Variants in MTA3 observed in about 807,000 individuals in gnomAD.
MTA3 encodes the protein metastasis associated 1 family member 3.
Under a neutral mutation model 83.5 loss-of-function variants are expected in MTA3, and 34 were observed. The observed-to-expected ratio is 0.41, with a 90% CI of 0.31 to 0.54. MTA3 has a LOEUF of 0.54. MTA3 is among the 20% of genes least tolerant of loss of function. The pLI is 0.33. For synonymous variants in MTA3, 303 were observed against 252.7 expected (o/e 1.20, Z -1.89); for missense variants, 761 against 726.4 (o/e 1.05, Z -0.55).
At chr2:42,600,854 C>G (rs1558481434) in intron 3 of MTA3, among the ~76,000 whole-genome samples, 1 of 151,806 alleles carries the variant, frequency 6.6e-6, no homozygotes, top group Non-Finnish European at 1.5e-5. Context: ...TGGTTCATTT[C>G]TTTTACATCT....
intron 14 of MTA3, chr2:42,709,400 C>T: frequency 1.2e-6 from 1 of 868,486 alleles, no homozygotes; most frequent in South Asian, 2.1e-5. Context: ...CTGCAGAGCC[C>T]TTATTGAAGC....
At chr2:42,545,397 G>GA (rs1572957442) in intron 2 of MTA3, among the ~76,000 whole-genome samples, 1 of 150,150 alleles carries the variant, frequency 6.7e-6, no homozygotes, top group African/African-American at 2.4e-5. Context: ...ATTAGAAGAA[G>GA]AAAAAAAAAG....
chr2:42,586,008 G>A (rs1251242888), intron 3 of MTA3, among the ~76,000 whole-genome samples: 2 of 152,052 alleles, frequency 1.3e-5, no homozygotes, highest in Non-Finnish European at 2.9e-5. Context: ...TTAGGGCCAG[G>A]CGCAGTGGCT....
At chr2:42,737,535 G>T (rs1668700173) in intron 16 of MTA3, among the ~76,000 whole-genome samples, 1 of 152,018 alleles carries the variant, frequency 6.6e-6, no homozygotes, top group South Asian at 2.1e-4. Context: ...CTGATTTTTG[G>T]TTCTTATGAA....
intron 16 of MTA3, among the ~76,000 whole-genome samples, chr2:42,737,828 A>G (rs2104575643): frequency 6.6e-6 from 1 of 152,228 alleles, no homozygotes; most frequent in East Asian, 1.9e-4. Context: ...CCGAATGAAT[A>G]CAGGCCCAGA....
At chr2:42,688,708 A>G (rs1194669286) in intron 9 of MTA3, among the ~76,000 whole-genome samples, 1 of 146,332 alleles carries the variant, frequency 6.8e-6, no homozygotes, top group African/African-American at 2.5e-5. Flanking sequence ...TGCAGTAGTT[A>G]TAGTCGGTTT....
chr2:42,670,430 C>T (rs1317172393), intron 8 of MTA3, among the ~76,000 whole-genome samples: 1 of 152,118 alleles, frequency 6.6e-6, no homozygotes, highest in Non-Finnish European at 1.5e-5. Context: ...GTTTAAGCAT[C>T]TAATTGGCTT....
chr2:42,658,387 A>G (rs1185018326), intron 7 of MTA3, among the ~76,000 whole-genome samples: 5 of 152,214 alleles, frequency 3.3e-5, no homozygotes, highest in Non-Finnish European at 7.3e-5. Flanking sequence ...CACTATTCAT[A>G]GTAACCCCAA....
chr2:42,548,814 T>TATATATATATATATATA, intron 2 of MTA3, among the ~76,000 whole-genome samples: 1 of 33,704 alleles, frequency 3.0e-5, no homozygotes, highest in East Asian at 5.1e-4. Context: ...AAAAAAAATA[T>TATATATATATATATATA]ATATATATAT....
intron 2 of MTA3, among the ~76,000 whole-genome samples, chr2:42,551,688 C>T (rs1261890337): frequency 2.0e-5 from 3 of 151,816 alleles, no homozygotes; most frequent in Non-Finnish European, 4.4e-5. Flanking sequence ...GGGAGTTGAG[C>T]AGATATTACA....
At chr2:42,519,440 T>A (rs908781387) in intron 2 of MTA3, among the ~76,000 whole-genome samples, 1 of 150,042 alleles carries the variant, frequency 6.7e-6, no homozygotes, top group African/African-American at 2.5e-5. Context: ...ACCCCCTCTC[T>A]ACCAAAAATA....
In MTA3 at chr2:42,756,454, C is replaced by T; in HGVS notation, c.*3055C>T. On this transcript the variant is annotated 3_prime_UTR_variant, in exon 17 of 17. Transcript: ENST00000405094. Reference sequence around the variant, plus strand: ...CTGCCACTCAGAGCAGAGCAGGGGGCTGAGGGCAAGCAGGTGGGGCTGTGC... The same window carrying T: ...CTGCCACTCAGAGCAGAGCAGGGGGTTGAGGGCAAGCAGGTGGGGCTGTGC... 1.0e-6 allele frequency: 1 copy of T among 985,442 alleles called. No individual in the cohort carries two copies. Among genetic ancestry groups the T allele is most frequent in the Non-Finnish European group, 1.2e-6 (1 of 829,948 alleles). The allele number at this position is 985,442 out of a possible 1,614,324, so 61.0% of individuals were successfully genotyped here.
At chr2:42,596,586 C>T (rs1389828727) in intron 3 of MTA3, among the ~76,000 whole-genome samples, 1 of 152,142 alleles carries the variant, frequency 6.6e-6, no homozygotes, top group African/African-American at 2.4e-5. Context: ...ATCTGGTCTT[C>T]TGAATGTTAA....
intron 2 of MTA3, among the ~76,000 whole-genome samples, chr2:42,560,591 A>AC (rs1677624252): frequency 6.6e-6 from 1 of 150,782 alleles, no homozygotes; most frequent in African/African-American, 2.4e-5. Context: ...AAAACAAACA[A>AC]AACACACACA....
intron 9 of MTA3, among the ~76,000 whole-genome samples, chr2:42,689,382 A>G (rs1454121885): frequency 6.6e-6 from 1 of 152,134 alleles, no homozygotes; most frequent in Non-Finnish European, 1.5e-5. Context: ...TCCTTGTAAT[A>G]TTTTTGGTTT....
chr2:42,616,870 C>T (rs1684958155), intron 4 of MTA3, among the ~76,000 whole-genome samples: 1 of 152,080 alleles, frequency 6.6e-6, no homozygotes, highest in South Asian at 2.1e-4. Context: ...CAGGCGTGAG[C>T]CATCGTGCCT....
At chr2:42,709,482 A>G (rs1020139733) in intron 14 of MTA3, 3 of 259,762 alleles carry the variant, frequency 1.2e-5, no homozygotes, top group African/African-American at 7.0e-5. Flanking sequence ...CATAATCGAG[A>G]CAGTACAGTC....
chr2:42,521,261 G>C (rs1360895160), intron 2 of MTA3, among the ~76,000 whole-genome samples: 1 of 152,150 alleles, frequency 6.6e-6, no homozygotes, highest in Admixed American at 6.6e-5. Context: ...GGCCTACGCA[G>C]AAAGGAACTG....
intron 14 of MTA3, among the ~76,000 whole-genome samples, chr2:42,711,442 A>G (rs528826686): frequency 2.0e-5 from 3 of 152,232 alleles, no homozygotes; most frequent in Non-Finnish European, 4.4e-5. Context: ...GCAGTCGTCT[A>G]TCTGGATGAA....
Sources: gnomAD v4.1 joint callset for allele counts (sites outside exome capture counted in the v4.1 genomes callset) on GRCh38, gnomAD v4.1.1 for gene constraint, MANE v1.5 for transcripts, NCBI Gene and HGNC (gene_info 2026-07-23, HGNC 2026-07-21) for gene names.